OXR1: variants seen among roughly 807,000 people sequenced by gnomAD.
The protein encoded by OXR1 is oxidation resistance protein 1.
Under a neutral mutation model 104.6 loss-of-function variants are expected in OXR1, and 41 were observed. The observed-to-expected ratio is 0.39, with a 90% CI of 0.31 to 0.51. The LOEUF is 0.51. OXR1 is among the 20% of genes least tolerant of loss of function. The pLI is 0.77. For synonymous variants in OXR1, 348 were observed against 348.4 expected (o/e 1.00, Z 0.01); for missense variants, 955 against 1,031.9 (o/e 0.93, Z 1.02).
At chr8:106,643,894 A>C (rs1376031427) in intron 3 of OXR1, among the ~76,000 whole-genome samples, 1 of 152,210 alleles carries the variant, frequency 6.6e-6, no homozygotes, top group African/African-American at 2.4e-5. Flanking sequence ...TAGTATGTTA[A>C]GGGCATTGTG....
chr8:106,286,687 C>T (rs1812515676), intron 1 of OXR1, among the ~76,000 whole-genome samples: 1 of 151,592 alleles, frequency 6.6e-6, no homozygotes, highest in Non-Finnish European at 1.5e-5. Flanking sequence ...ACTACAGAAA[C>T]AAACATAAAT....
Position 106,684,305 on chromosome 8 carries a change from C to T in OXR1, c.471C>T (p.Ser157=), listed in dbSNP as rs776854403. 9.9e-6 allele frequency: 16 copies of T among 1,610,142 alleles called. No individual in the cohort carries two copies. The East Asian group carries it at 3.1e-4, about 31-fold the overall frequency. Residue 157 remains serine (S), a synonymous_variant, in exon 6 of 17, where the codon AGC becomes AGT. Transcript: ENST00000517566. ...GTGTTGAGAGCTCTCCATCTCTAAG[C>T]CCCGTAAGTCCTCTGTCACCAACAT... ...VSSVESSPSL[S]PVSPLSPTSS... is the part of the protein sequence containing the mutation.
chr8:106,560,356 GC>G (rs1369928258), intron 3 of OXR1, among the ~76,000 whole-genome samples: 6 of 152,132 alleles, frequency 3.9e-5, no homozygotes, highest in Non-Finnish European at 7.4e-5. Flanking sequence ...TTTCTTCTGT[GC>G]TTTTTTTGCA....
At chr8:106,701,897 TG>T (rs1386584628) in intron 7 of OXR1, among the ~76,000 whole-genome samples, 2 of 152,256 alleles carry the variant, frequency 1.3e-5, no homozygotes, top group Non-Finnish European at 2.9e-5. Context: ...ATCAGCTGCC[TG>T]TGGACCCTAG....
At chr8:106,378,257 G>A (rs992829722) in intron 2 of OXR1, among the ~76,000 whole-genome samples, 1 of 152,162 alleles carries the variant, frequency 6.6e-6, no homozygotes, top group Non-Finnish European at 1.5e-5. Context: ...AGTGAAACTC[G>A]CAGCATTGCA....
At chr8:106,593,550 G>A (rs1263248217) in intron 3 of OXR1, among the ~76,000 whole-genome samples, 4 of 152,276 alleles carry the variant, frequency 2.6e-5, no homozygotes, top group Admixed American at 6.5e-5. Context: ...AGGCCAAGGC[G>A]GGCGGATCAT....
intron 3 of OXR1, among the ~76,000 whole-genome samples, chr8:106,581,693 G>C (rs894244728): frequency 6.6e-6 from 1 of 151,892 alleles, no homozygotes; most frequent in South Asian, 2.1e-4. Flanking sequence ...ACCATATTGA[G>C]ATTCTTAAAA....
chr8:106,289,178 A>G (rs958351636), intron 1 of OXR1, among the ~76,000 whole-genome samples: 2 of 152,196 alleles, frequency 1.3e-5, no homozygotes, highest in Admixed American at 6.5e-5. Context: ...AGCCAAAGCA[A>G]TCAGGCAAGA....
intron 2 of OXR1, among the ~76,000 whole-genome samples, chr8:106,515,213 A>G (rs1196478618): frequency 6.6e-6 from 1 of 152,060 alleles, no homozygotes; most frequent in South Asian, 2.1e-4. Flanking sequence ...AAAATTATAT[A>G]TATTTATAGG....
intron 2 of OXR1, among the ~76,000 whole-genome samples, chr8:106,380,321 T>C (rs1012705015): frequency 6.6e-6 from 1 of 152,146 alleles, no homozygotes; most frequent in Admixed American, 6.5e-5. Flanking sequence ...AATTTCCAAA[T>C]AATATTCCAT....
chr8:106,637,332 T>C (rs1307988208), intron 3 of OXR1, among the ~76,000 whole-genome samples: 3 of 151,946 alleles, frequency 2.0e-5, no homozygotes, highest in African/African-American at 7.3e-5. Flanking sequence ...TGTGTGTGTA[T>C]ATATATATAT....
chr8:106,464,028 C>T (rs909414572), intron 2 of OXR1, among the ~76,000 whole-genome samples: 1 of 151,992 alleles, frequency 6.6e-6, no homozygotes, highest in Admixed American at 6.6e-5. Context: ...TTTATCTCTA[C>T]AGTTAAGTGA....
intron 15 of OXR1, among the ~76,000 whole-genome samples, chr8:106,745,362 T>G (rs1306116145): frequency 6.6e-6 from 1 of 152,198 alleles, no homozygotes; most frequent in African/African-American, 2.4e-5. Flanking sequence ...TAAATATATA[T>G]GCAAAGAAAA....
intron 11 of OXR1, chr8:106,726,145 A>G: frequency 6.9e-7 from 1 of 1,443,386 alleles, no homozygotes; most frequent in Non-Finnish European, 9.0e-7. Flanking sequence ...TCACTGTAGT[A>G]AGGCTCTAGT....
Position 106,692,828 on chromosome 8 carries a change from T to A in OXR1, c.626T>A (p.Phe209Tyr). The change falls in exon 7 of 17, where the codon TTT (phenylalanine) becomes TAT (tyrosine). Residue 209 changes from phenylalanine (F) to tyrosine (Y), a missense_variant. By Grantham distance (22) the Phe-to-Tyr change is conservative. Coordinates refer to ENST00000517566, the MANE Select transcript of OXR1 (RefSeq NM_001198533.2). ...TCAACTTCTGAGGAGGAGGAAGCATTTACTGAGAAATTTCTTAAAATTAAT... is the reference window on the plus strand; with the variant it reads ...TCAACTTCTGAGGAGGAGGAAGCATATACTGAGAAATTTCTTAAAATTAAT... ...VSSTSEEEEA[F>Y]TEKFLKINCK... 1 of 1,606,854 alleles carries A rather than the reference T, an allele frequency of 6.2e-7. No individual in the cohort carries two copies. The highest frequency in any genetic ancestry group is 8.5e-7 in the Non-Finnish European group (1 of 1,174,952).
intron 3 of OXR1, chr8:106,657,678 C>A: frequency 3.7e-6 from 1 of 271,936 alleles, no homozygotes; most frequent in Non-Finnish European, 6.2e-6. Flanking sequence ...TTTCTGACCC[C>A]GCATCGGTTC....
intron 2 of OXR1, among the ~76,000 whole-genome samples, chr8:106,478,205 G>T (rs1821910807): frequency 6.6e-6 from 1 of 151,698 alleles, no homozygotes; most frequent in African/African-American, 2.4e-5. Context: ...TTATGTAACT[G>T]GTCATTCTAC....
At chr8:106,671,822 G>T (rs773038390) in intron 3 of OXR1, among the ~76,000 whole-genome samples, 29 of 116,032 alleles carry the variant, frequency 2.5e-4, no homozygotes, top group Non-Finnish European at 4.2e-4. Context: ...CTGTCGTGGG[G>T]TGGGGGGAGG....
intron 11 of OXR1, chr8:106,726,140 G>A: frequency 1.4e-6 from 2 of 1,438,136 alleles, no homozygotes; most frequent in Non-Finnish European, 1.8e-6. Context: ...TTTTGTCACT[G>A]TAGTAAGGCT....
Sources: gnomAD v4.1 joint callset for allele counts (sites outside exome capture counted in the v4.1 genomes callset) on GRCh38, gnomAD v4.1.1 for gene constraint, MANE v1.5 for transcripts, NCBI Gene and HGNC (gene_info 2026-07-23, HGNC 2026-07-21) for gene names.